TRHDE: variants seen among roughly 807,000 people sequenced by gnomAD.
The protein encoded by TRHDE is thyrotropin releasing hormone degrading enzyme.
TRHDE carries 72 observed loss-of-function variants against 125.7 expected under a neutral mutation model. The observed-to-expected ratio is 0.57, with a 90% CI of 0.47 to 0.70. The LOEUF (loss-of-function observed/expected upper bound fraction) is 0.70. TRHDE is among the 30% of genes least tolerant of loss of function. The pLI is 0.00. For missense variants in TRHDE, 1,110 were observed against 1,327.1 expected, an observed-to-expected ratio of 0.84 and a Z score of 2.54; for synonymous variants, 509 against 509.1, an observed-to-expected ratio of 1.00 and a Z score of 0.00.
intron 2 of TRHDE, among the ~76,000 whole-genome samples, chr12:72,341,943 C>T (rs1406744502): frequency 6.6e-6 from 1 of 151,914 alleles, no homozygotes; most frequent in Non-Finnish European, 1.5e-5. Context: ...AAGAACTAGT[C>T]TACAGAAATG....
At chr12:72,231,537 T>C (rs1418464193) in intron 2 of TRHDE, among the ~76,000 whole-genome samples, 1 of 152,192 alleles carries the variant, frequency 6.6e-6, no homozygotes, top group Non-Finnish European at 1.5e-5. Context: ...TTTTGTGTTA[T>C]CAAACCAAAC....
rs1875200690 is a variant in TRHDE at position 72,669,628 on chromosome 12, A to G, written c.*6433A>G. The G allele has an allele frequency of 6.6e-6, 1 of 151,770 alleles. No homozygotes were observed. The highest frequency in any genetic ancestry group is 2.4e-5 in the African/African-American group (1 of 41,410). The allele number at this position is 151,770 out of a possible 1,614,324, so 9.4% of individuals were successfully genotyped here. A position where few individuals can be genotyped will look rare whatever the true frequency, so the allele number is the denominator to read the frequency against. ...TGTAAACAATTTTGTTCCCACCTTT[A>G]CATAGCGTATGACCTACTCAGTGAG... On this transcript the variant is annotated 3_prime_UTR_variant, in exon 19 of 19. Transcript: ENST00000261180.
chr12:72,421,336 A>G (rs369414846), intron 3 of TRHDE, among the ~76,000 whole-genome samples: 5 of 152,148 alleles, frequency 3.3e-5, no homozygotes, highest in African/African-American at 7.2e-5. Context: ...TTACTCATGT[A>G]TCTGATAACT....
intron 2 of TRHDE, among the ~76,000 whole-genome samples, chr12:72,122,612 T>G (rs1875613069): frequency 6.6e-6 from 1 of 151,968 alleles, no homozygotes; most frequent in South Asian, 2.1e-4. Flanking sequence ...AGAAGGTAAC[T>G]TTTTTTTAAA....
chr12:72,623,813 T>C (rs1873151308), intron 15 of TRHDE, among the ~76,000 whole-genome samples: 1 of 152,076 alleles, frequency 6.6e-6, no homozygotes. Context: ...CATGCATTGC[T>C]GTTTAATTTA....
intron 6 of TRHDE, among the ~76,000 whole-genome samples, chr12:72,507,204 A>G (rs1878391539): frequency 6.6e-6 from 1 of 152,180 alleles, no homozygotes; most frequent in Non-Finnish European, 1.5e-5. Context: ...CTTTATAGCA[A>G]TGTGAGAACT....
intron 6 of TRHDE, among the ~76,000 whole-genome samples, chr12:72,518,945 C>A (rs549028747): frequency 1.3e-5 from 2 of 152,108 alleles, no homozygotes; most frequent in Admixed American, 6.5e-5. Flanking sequence ...GTTGAAAATT[C>A]TTTTCTTTAA....
At chr12:72,204,668 T>C (rs1877628693) in intron 2 of TRHDE, among the ~76,000 whole-genome samples, 1 of 152,228 alleles carries the variant, frequency 6.6e-6, no homozygotes, top group Admixed American at 6.5e-5. Flanking sequence ...ATTCTCAGTA[T>C]CATTGTCAAA....
At chr12:72,428,043 A>C (rs1457735871) in intron 3 of TRHDE, among the ~76,000 whole-genome samples, 1 of 152,160 alleles carries the variant, frequency 6.6e-6, no homozygotes, top group Non-Finnish European at 1.5e-5. Flanking sequence ...TAGAACAAAG[A>C]AAAAATAAAT....
intron 2 of TRHDE, among the ~76,000 whole-genome samples, chr12:72,131,963 T>A (rs1875876613): frequency 3.3e-5 from 5 of 152,218 alleles, no homozygotes; most frequent in Admixed American, 2.6e-4. Context: ...TAACGAATGA[T>A]CAATGATCAA....
In TRHDE at chr12:72,562,162, T is replaced by C; in HGVS notation, c.1789-3T>C. Reference sequence around the variant, plus strand: ...TTACAATTACAATTTTATATTCTTGTAGGATTATTTAACCATTCATAAGTA... The same window carrying C: ...TTACAATTACAATTTTATATTCTTGCAGGATTATTTAACCATTCATAAGTA... On this transcript the variant is annotated splice_polypyrimidine_tract_variant and splice_region_variant and intron_variant, in intron 7 of 18. Coordinates refer to ENST00000261180, the MANE Select transcript of TRHDE (RefSeq NM_013381.3). 7.0e-7 allele frequency: 1 copy of C among 1,433,772 alleles called. No individual in the cohort carries two copies. Among genetic ancestry groups the C allele is most frequent in the Non-Finnish European group, 9.8e-7 (1 of 1,025,132 alleles). 88.8% of individuals were successfully genotyped at this position (1,433,772 alleles called of 1,614,324 possible). A position where few individuals can be genotyped will look rare whatever the true frequency, so the allele number is the denominator to read the frequency against.
At chr12:72,582,427 G>C in intron 12 of TRHDE, 1 of 985,208 alleles carries the variant, frequency 1.0e-6, no homozygotes, top group Non-Finnish European at 1.2e-6. Context: ...GAAGTAATTT[G>C]CTCCTTTTGG....
In TRHDE at chr12:72,438,484, G is replaced by A. The variant is rs544999322; in HGVS notation, c.1316-31274G>A. 3.3e-5 allele frequency among the ~76,000 whole-genome samples: 5 copies of A among 151,774 alleles called. No homozygotes were observed. The South Asian group carries it at 6.2e-4, about 19-fold the overall frequency. ...ATAGCCATTCTAAGAGGTATGAGATGGTATCTCATTGAGATTTTAATTTTC... is the reference window on the plus strand; with the variant it reads ...ATAGCCATTCTAAGAGGTATGAGATAGTATCTCATTGAGATTTTAATTTTC... On this transcript the variant is annotated intron_variant, in intron 3 of 18. Transcript: ENST00000261180.
intron 2 of TRHDE, among the ~76,000 whole-genome samples, chr12:72,323,612 A>G (rs748409880): frequency 5.3e-5 from 8 of 152,134 alleles, no homozygotes; most frequent in Non-Finnish European, 8.8e-5. Context: ...GGTACCTGAT[A>G]CAAAAGAAGC....
intron 2 of TRHDE, among the ~76,000 whole-genome samples, chr12:72,198,651 T>C (rs146372532): frequency 0.017 from 2,607 of 152,328 alleles, 44 homozygotes; most frequent in Middle Eastern, 0.044. Context: ...ACTAGATATG[T>C]GGCTTTGGGC....
Position 72,436,724 on chromosome 12 carries a change from G to C in TRHDE, c.1316-33034G>C, listed in dbSNP as rs1217869302. 6.6e-5 allele frequency among the ~76,000 whole-genome samples: 10 copies of C among 151,796 alleles called. No individual in the cohort carries two copies. The South Asian group carries it at 2.1e-3, about 32-fold the overall frequency. On this transcript the variant is annotated intron_variant, in intron 3 of 18. Coordinates refer to ENST00000261180, the MANE Select transcript of TRHDE (RefSeq NM_013381.3). ...TCATTGACGTACTGAAGAACCGAGAGTAATTTTTCTGAATTTTCTTATTGT... is the reference window on the plus strand; with the variant it reads ...TCATTGACGTACTGAAGAACCGAGACTAATTTTTCTGAATTTTCTTATTGT...
At chr12:72,432,562 A>G (rs1057060198) in intron 3 of TRHDE, among the ~76,000 whole-genome samples, 4 of 152,088 alleles carry the variant, frequency 2.6e-5, no homozygotes, top group African/African-American at 9.7e-5. Context: ...CCGGCCTTTC[A>G]GAAGGTTTGT....
chr12:72,197,732 G>A (rs1877473588), intron 2 of TRHDE, among the ~76,000 whole-genome samples: 1 of 151,932 alleles, frequency 6.6e-6, no homozygotes, highest in Non-Finnish European at 1.5e-5. Flanking sequence ...CCCTATTCCA[G>A]GAACACCATT....
intron 2 of TRHDE, among the ~76,000 whole-genome samples, chr12:72,248,695 C>G (rs10784957): frequency 0.77 from 116,919 of 152,068 alleles, 45,873 homozygotes; most frequent in Non-Finnish European, 0.85. Context: ...CCCTCCTGTT[C>G]TCATGTCTTC....
Sources: allele counts gnomAD v4.1 joint callset (sites outside exome capture counted in the v4.1 genomes callset), GRCh38; gene constraint gnomAD v4.1.1; transcripts MANE v1.5; gene names NCBI Gene and HGNC (gene_info 2026-07-23, HGNC 2026-07-21).